SMARCAD1: variants seen among roughly 807,000 people sequenced by gnomAD.
SMARCAD1 encodes the protein SNF2 related chromatin remodeling ATPase with DExD box 1.
In SMARCAD1, 25 loss-of-function variants were observed where a neutral mutation model predicts 127.1. The observed-to-expected ratio is 0.20, with a 90% CI of 0.14 to 0.27. The LOEUF (loss-of-function observed/expected upper bound fraction) is 0.27. Among genes scored for constraint, SMARCAD1 ranks in the 10% least tolerant of loss-of-function variants. SMARCAD1 has a pLI of 1.00. For synonymous variants in SMARCAD1, 400 were observed against 396.9 expected (o/e 1.01, Z -0.09); for missense variants, 807 against 1,206.0 (o/e 0.67, Z 4.90).
chr4:94,240,197 C>G (rs1002768480), intron 5 of SMARCAD1, among the ~76,000 whole-genome samples: 4 of 152,152 alleles, frequency 2.6e-5, no homozygotes, highest in Admixed American at 6.5e-5. Context: ...GTCTGACAAA[C>G]TTGTTCTCTG....
intron 6 of SMARCAD1, among the ~76,000 whole-genome samples, chr4:94,249,188 A>G (rs1218822390): frequency 6.6e-6 from 1 of 152,150 alleles, no homozygotes; most frequent in Non-Finnish European, 1.5e-5. Flanking sequence ...GTGACTGAAC[A>G]ATTAATATTT....
chr4:94,212,505 G>A (rs769217404), intron 2 of SMARCAD1, among the ~76,000 whole-genome samples: 4 of 147,536 alleles, frequency 2.7e-5, no homozygotes, highest in Admixed American at 6.7e-5. Context: ...TTATTTTTTT[G>A]AGATGGAGTC....
chr4:94,224,734 T>C (rs1744733723), intron 2 of SMARCAD1, among the ~76,000 whole-genome samples: 1 of 152,236 alleles, frequency 6.6e-6, no homozygotes, highest in African/African-American at 2.4e-5. Context: ...GTTTAGACTT[T>C]TGGACTTGGA....
intron 14 of SMARCAD1, 47 bp from the exon 15 acceptor site, chr4:94,276,292 A>T: frequency 6.2e-7 from 1 of 1,609,216 alleles, no homozygotes; most frequent in South Asian, 1.1e-5. Flanking sequence ...CTAGACTCCA[A>T]GCTCTTAAAG....
At chr4:94,236,245 C>T (rs1382179149) in intron 4 of SMARCAD1, among the ~76,000 whole-genome samples, 1 of 151,972 alleles carries the variant, frequency 6.6e-6, no homozygotes, top group Non-Finnish European at 1.5e-5. Context: ...AAAGTAAGAT[C>T]TTTTTAAAAC....
rs1741625418 is a variant in SMARCAD1 at position 94,208,494 on chromosome 4, T to A, written c.100T>A (p.Ser34Thr). 6.2e-7 allele frequency: 1 copy of A among 1,613,994 alleles called. No homozygotes were observed. The highest frequency in any genetic ancestry group is 8.5e-7 in the Non-Finnish European group (1 of 1,180,026). ...TPQPSQPGPS[S>T]PISLSAEEEN... ...TCAACCTTCCCAGCCTGGCCCTTCTTCACCAATTTCTCTTAGTGCTGAAGA... is the reference window on the plus strand; with the variant it reads ...TCAACCTTCCCAGCCTGGCCCTTCTACACCAATTTCTCTTAGTGCTGAAGA... Residue 34 changes from serine to threonine, a missense_variant, in exon 2 of 24, where the codon TCA becomes ACA. Ser to Thr is a moderately conservative substitution (Grantham distance 58). Around this residue, in one of 8 missense-constraint regions of SMARCAD1, gnomAD observed 175 missense variants for 169.5 expected, o/e 1.03. Coordinates refer to ENST00000354268, the MANE Select transcript of SMARCAD1 (RefSeq NM_020159.5).
At position 94,226,236 on chromosome 4, in the gene SMARCAD1, C is replaced by T. The variant is rs1744961087; in HGVS notation, c.308C>T (p.Ser103Phe). The T allele has an allele frequency of 3.1e-6, 5 of 1,613,402 alleles. No individual in the cohort carries two copies. In the South Asian group the frequency reaches 5.5e-5, roughly 18 times the overall value. ...DLSSDSEDVV[S>F]PNCSNTVQEK... ...TCTTCTGATAGTGAAGATGTCGTTT[C>T]CCCAAATTGCTCCAATACAGTTCAA... Residue 103 changes from serine (S) to phenylalanine (F), a missense_variant, in exon 3 of 24, where the codon TCC (serine) becomes TTC (phenylalanine). Physicochemically the swap from Ser to Phe is radical, Grantham distance 155. Transcript: ENST00000354268.
At chr4:94,233,906 T>A in intron 3 of SMARCAD1, 48 bp from the exon 4 acceptor site, 1 of 1,570,894 alleles carries the variant, frequency 6.4e-7, no homozygotes, top group Non-Finnish European at 8.7e-7. Flanking sequence ...TGAAATAACA[T>A]TAGTAATACA....
At chr4:94,236,037 A>G (rs1746598001) in intron 4 of SMARCAD1, among the ~76,000 whole-genome samples, 1 of 152,138 alleles carries the variant, frequency 6.6e-6, no homozygotes, top group Non-Finnish European at 1.5e-5. Context: ...ATTACTCAAC[A>G]AAAGGTTTTA....
In SMARCAD1 at chr4:94,273,260, A is replaced by G. The variant is rs1204253912; in HGVS notation, c.1573-357A>G. On this transcript the variant is annotated intron_variant, in intron 11 of 23. Transcript: ENST00000354268. ...AGGCATATGTTTCCTCCATTTAGTC[A>G]TGGGACATTGCCCTTAAACCATTCA... Among the ~76,000 whole-genome samples, 4 of 152,342 alleles carry G rather than the reference A, an allele frequency of 2.6e-5. No individual in the cohort carries two copies. In the East Asian group the frequency reaches 5.8e-4, roughly 22 times the overall value.
At chr4:94,236,807 A>G (rs1746727964) in intron 4 of SMARCAD1, 145 bp from the exon 5 acceptor site, 1 of 683,904 alleles carries the variant, frequency 1.5e-6, no homozygotes, top group Non-Finnish European at 2.5e-6. Flanking sequence ...CTGAAAATTT[A>G]TCATAGGACT....
At chr4:94,229,879 C>T (rs1745570836) in intron 3 of SMARCAD1, among the ~76,000 whole-genome samples, 2 of 151,218 alleles carry the variant, frequency 1.3e-5, no homozygotes, top group African/African-American at 2.4e-5. Flanking sequence ...CTTTGCCTCT[C>T]ATTCTGTTTT....
intron 5 of SMARCAD1, among the ~76,000 whole-genome samples, chr4:94,237,615 T>A (rs1446678244): frequency 6.6e-6 from 1 of 152,072 alleles, no homozygotes; most frequent in Non-Finnish European, 1.5e-5. Context: ...TATGTCATTC[T>A]CAACTTTTTT....
chr4:94,282,092 G>GTTTTTTT (rs144409121), intron 21 of SMARCAD1, among the ~76,000 whole-genome samples: 10 of 111,010 alleles, frequency 9.0e-5, no homozygotes, highest in African/African-American at 1.3e-4. Context: ...ATGCAAATAC[G>GTTTTTTT]TTTTTTTGTT....
At chr4:94,244,755 TA>T (rs776962533) in intron 6 of SMARCAD1, among the ~76,000 whole-genome samples, 23,380 of 141,968 alleles carry the variant, frequency 0.16, 1,933 homozygotes, top group Middle Eastern at 0.24. Flanking sequence ...CCCAAAACAT[TA>T]AAAAAAAAAA....
intron 8 of SMARCAD1, among the ~76,000 whole-genome samples, chr4:94,251,709 A>G (rs183432903): frequency 2.6e-5 from 4 of 152,268 alleles, no homozygotes; most frequent in Admixed American, 6.5e-5. Context: ...AAAGTATTGT[A>G]TTATAGATTG....
intron 6 of SMARCAD1, among the ~76,000 whole-genome samples, chr4:94,248,053 C>T (rs1439908345): frequency 2.0e-5 from 3 of 152,060 alleles, no homozygotes; most frequent in African/African-American, 7.2e-5. Flanking sequence ...TTTATGAACA[C>T]GTGTACCCAA....
intron 23 of SMARCAD1, among the ~76,000 whole-genome samples, chr4:94,287,056 G>A (rs1351875513): frequency 6.6e-6 from 1 of 151,998 alleles, no homozygotes; most frequent in Non-Finnish European, 1.5e-5. Context: ...AGTAGAGACG[G>A]GGTTTCACCG....
chr4:94,217,443 T>TTTG (rs761836763), intron 2 of SMARCAD1, among the ~76,000 whole-genome samples: 1 of 152,116 alleles, frequency 6.6e-6, no homozygotes, highest in Non-Finnish European at 1.5e-5. Flanking sequence ...TTGATGTGTT[T>TTTG]TTGTTGTTGT....
Sources: allele counts gnomAD v4.1 joint callset (sites outside exome capture counted in the v4.1 genomes callset), GRCh38; gene constraint gnomAD v4.1.1; regional missense constraint gnomAD v4.1.1; transcripts MANE v1.5; gene names NCBI Gene and HGNC (gene_info 2026-07-23, HGNC 2026-07-21).